Variants in LDAH observed in about 807,000 individuals in gnomAD.
The protein encoded by LDAH is lipid droplet-associated hydrolase.
A neutral mutation model predicts 29.6 loss-of-function variants in LDAH; 26 were observed. The ratio of observed to expected loss-of-function variants is 0.88; its 90% CI spans 0.64 to 1.22. The LOEUF (loss-of-function observed/expected upper bound fraction) is 1.22, where lower values mean the gene tolerates loss of function less well. LDAH is among the 50% of genes most tolerant of loss of function. The probability of loss-of-function intolerance (pLI) is 0.00; values close to 1 mark genes in which losing one functional copy is unlikely to be tolerated. For synonymous variants in LDAH, 117 were observed against 133.0 expected (o/e 0.88, Z 0.83); for missense variants, 344 against 387.3 (o/e 0.89, Z 0.94).
At chr2:20,711,531 C>A (rs937092198) in intron 5 of LDAH, among the ~76,000 whole-genome samples, 2 of 152,236 alleles carry the variant, frequency 1.3e-5, no homozygotes, top group African/African-American at 2.4e-5. Flanking sequence ...CTCATTGGGA[C>A]TGGTTGGACA....
intron 4 of LDAH, among the ~76,000 whole-genome samples, chr2:20,772,140 T>A (rs1301983024): frequency 1.3e-5 from 2 of 152,184 alleles, no homozygotes; most frequent in African/African-American, 4.8e-5. Flanking sequence ...TATTGAACAA[T>A]CATTTTCAAA....
At chr2:20,752,742 C>A (rs983350607) in intron 4 of LDAH, among the ~76,000 whole-genome samples, 2 of 152,244 alleles carry the variant, frequency 1.3e-5, no homozygotes, top group African/African-American at 2.4e-5. Context: ...ATCAGTATCA[C>A]TGGGCTGAAA....
chr2:20,755,145 G>GTA (rs923412951), intron 4 of LDAH, among the ~76,000 whole-genome samples: 4 of 151,792 alleles, frequency 2.6e-5, no homozygotes, highest in Admixed American at 6.6e-5. Context: ...GTGTGTGTGT[G>GTA]TGTGTGTGTG....
Position 20,684,729 on chromosome 2 carries a change from G to C in LDAH, c.*2174C>G. 1 of 789,542 alleles carries C rather than the reference G, an allele frequency of 1.3e-6. No individual in the cohort carries two copies. Among genetic ancestry groups the C allele is most frequent in the Non-Finnish European group, 1.9e-6 (1 of 514,590 alleles). The allele number at this position is 789,542 out of a possible 1,614,324, so 48.9% of individuals were successfully genotyped here. ...CAGACTAGGAACAAACACGGGTGTG[G>C]TCAAAGCTCAATCGCTGAGCACTCG... On this transcript the variant is annotated 3_prime_UTR_variant, in exon 7 of 7. Transcript: ENST00000237822.
At chr2:20,798,987 G>T (rs2125099726) in intron 2 of LDAH, among the ~76,000 whole-genome samples, 2 of 152,308 alleles carry the variant, frequency 1.3e-5, no homozygotes, top group East Asian at 3.9e-4. Flanking sequence ...AGCACTTTGG[G>T]AGGCTGGGGT....
chr2:20,761,888 T>C (rs955550758), intron 4 of LDAH, among the ~76,000 whole-genome samples: 3 of 151,732 alleles, frequency 2.0e-5, no homozygotes, highest in Non-Finnish European at 4.4e-5. Flanking sequence ...GAAAAATGCA[T>C]GACCATTAAA....
intron 6 of LDAH, among the ~76,000 whole-genome samples, chr2:20,695,353 T>C (rs1031678192): frequency 1.2e-4 from 18 of 152,170 alleles, no homozygotes; most frequent in African/African-American, 4.1e-4. Context: ...GTTAGGCAAA[T>C]AGTCTTTTTA....
intron 5 of LDAH, among the ~76,000 whole-genome samples, chr2:20,711,742 C>T (rs540408173): frequency 6.6e-6 from 1 of 152,354 alleles, no homozygotes; most frequent in East Asian, 1.9e-4. Flanking sequence ...ACATCCTGCG[C>T]CTGGCTCAGC....
chr2:20,816,822 C>A (rs1672884555), intron 1 of LDAH, among the ~76,000 whole-genome samples: 3 of 151,874 alleles, frequency 2.0e-5, no homozygotes, highest in Non-Finnish European at 4.4e-5. Flanking sequence ...ACCATACCCT[C>A]AGTCATAAAA....
chr2:20,690,803 G>C (rs984852930), intron 6 of LDAH, among the ~76,000 whole-genome samples: 1 of 152,066 alleles, frequency 6.6e-6, no homozygotes, highest in African/African-American at 2.4e-5. Flanking sequence ...AAAATGAATC[G>C]CAATGCACCA....
At chr2:20,819,514 A>G (rs1204659699) in intron 1 of LDAH, among the ~76,000 whole-genome samples, 5 of 152,316 alleles carry the variant, frequency 3.3e-5, no homozygotes, top group African/African-American at 1.2e-4. Context: ...CCAAAGACAA[A>G]AACCACATGA....
chr2:20,759,691 G>T (rs1370134963), intron 4 of LDAH, among the ~76,000 whole-genome samples: 2 of 152,138 alleles, frequency 1.3e-5, no homozygotes, highest in Non-Finnish European at 1.5e-5. Flanking sequence ...CAATTTCACA[G>T]AATGTTGTTC....
chr2:20,803,436 G>A (rs1369722746), intron 1 of LDAH, among the ~76,000 whole-genome samples: 1 of 152,146 alleles, frequency 6.6e-6, no homozygotes, highest in Non-Finnish European at 1.5e-5. Flanking sequence ...ACAGCAGCTT[G>A]GTATACTGTC....
At chr2:20,745,244 T>C (rs758657824) in intron 4 of LDAH, among the ~76,000 whole-genome samples, 2 of 152,220 alleles carry the variant, frequency 1.3e-5, no homozygotes, top group Non-Finnish European at 2.9e-5. Context: ...TTTTCCAAAG[T>C]AGTTCTACTA....
intron 6 of LDAH, among the ~76,000 whole-genome samples, chr2:20,693,321 C>T (rs967662888): frequency 6.6e-6 from 1 of 152,214 alleles, no homozygotes; most frequent in Non-Finnish European, 1.5e-5. Flanking sequence ...TCCACATGAC[C>T]TTACATTAGC....
intron 2 of LDAH, among the ~76,000 whole-genome samples, chr2:20,793,343 C>T (rs1020017986): frequency 6.6e-6 from 1 of 151,926 alleles, no homozygotes; most frequent in Admixed American, 6.6e-5. Flanking sequence ...AGAAATAAGC[C>T]TTGTGAAAAT....
At chr2:20,722,564 G>C (rs1013613024) in intron 5 of LDAH, among the ~76,000 whole-genome samples, 2 of 152,000 alleles carry the variant, frequency 1.3e-5, no homozygotes, top group Admixed American at 6.6e-5. Flanking sequence ...TATAGTAATT[G>C]TATATTTCAA....
chr2:20,789,076 C>T, intron 3 of LDAH: 6 of 1,518,784 alleles, frequency 4.0e-6, no homozygotes, highest in Non-Finnish European at 5.4e-6. Context: ...TTCTGTGCTA[C>T]TCTTTCTGTC....
chr2:20,809,915 G>A (rs1044128690), intron 1 of LDAH, among the ~76,000 whole-genome samples: 1 of 152,166 alleles, frequency 6.6e-6, no homozygotes, highest in South Asian at 2.1e-4. Flanking sequence ...CCACAAACAG[G>A]TTTTCCAAGG....
Sources: gnomAD v4.1 joint callset for allele counts (sites outside exome capture counted in the v4.1 genomes callset) on GRCh38, gnomAD v4.1.1 for gene constraint, MANE v1.5 for transcripts, NCBI Gene and HGNC (gene_info 2026-07-23, HGNC 2026-07-21) for gene names.